Variants in CSNK2A2 observed in about 807,000 individuals in gnomAD.
CSNK2A2 encodes the protein casein kinase 2 alpha 2.
CSNK2A2 carries 8 observed loss-of-function variants against 54.0 expected under a neutral mutation model. That is an observed-to-expected ratio of 0.15 (90% CI 0.09 to 0.27). The LOEUF is 0.27. Among genes scored for constraint, CSNK2A2 ranks in the 10% least tolerant of loss-of-function variants. The pLI, the probability that CSNK2A2 is intolerant of heterozygous loss-of-function variation, is 1.00. For synonymous variants in CSNK2A2, 141 were observed against 153.9 expected (o/e 0.92, Z 0.62); for missense variants, 242 against 439.4 (o/e 0.55, Z 4.02).
At chr16:58,186,618 G>T in intron 3 of CSNK2A2, 137 bp downstream of exon 3, 1 of 583,948 alleles carries the variant, frequency 1.7e-6, no homozygotes, top group Non-Finnish European at 3.0e-6. Context: ...ATTTTTTTCT[G>T]GTTTTCAAAC....
chr16:58,165,218 G>C (rs1369019524), intron 10 of CSNK2A2, among the ~76,000 whole-genome samples: 1 of 152,076 alleles, frequency 6.6e-6, no homozygotes, highest in Non-Finnish European at 1.5e-5. Flanking sequence ...CTAATTACTA[G>C]TTTTCTGAGG....
rs532861468 is a variant in CSNK2A2 at position 58,160,716 on chromosome 16, T to C, written c.*18-2363A>G. On this transcript the variant is annotated intron_variant, in intron 11 of 11. Transcript: ENST00000262506. ...CCTCTAATTTATCCCCTCAAGAAGT[T>C]AATTTCCTCCTCAAGAGCTACCTTT... 5 of 152,366 alleles carry C rather than the reference T, an allele frequency of 3.3e-5. No individual in the cohort carries two copies. In the East Asian group the frequency reaches 9.6e-4, roughly 29 times the overall value. The allele number at this position is 152,366 out of a possible 1,614,324, so 9.4% of individuals were successfully genotyped here. A position where few individuals can be genotyped will look rare whatever the true frequency, so the allele number is the denominator to read the frequency against.
In CSNK2A2 at chr16:58,164,164, G is replaced by A. The variant is rs773880897; in HGVS notation, c.977-17C>T. 4 of 1,613,176 alleles carry A rather than the reference G, an allele frequency of 2.5e-6. No homozygotes were observed. The highest frequency in any genetic ancestry group is 2.2e-5 in the East Asian group (1 of 44,872). On this transcript the variant is annotated splice_polypyrimidine_tract_variant and intron_variant, in intron 10 of 11. Transcript: ENST00000262506. Reference sequence around the variant, plus strand: ...CCACAGGGTCTGCAAGAAAGCAGGAGGAAAGTCAGGCAATCAGGGTGGTGA... The same window carrying A: ...CCACAGGGTCTGCAAGAAAGCAGGAAGAAAGTCAGGCAATCAGGGTGGTGA...
In CSNK2A2 at chr16:58,197,525, C is replaced by G; in HGVS notation, c.104+108G>C. 3.6e-6 allele frequency: 2 copies of G among 561,196 alleles called. No individual in the cohort carries two copies. Among genetic ancestry groups the G allele is most frequent in the South Asian group, 2.2e-5 (1 of 45,498 alleles). The allele number at this position is 561,196 out of a possible 1,614,324, so 34.8% of individuals were successfully genotyped here. ...CGGGACCTCTGCCTCCCTGCGGGCC[C>G]GCGGAGGGGTCGGCGGGAGACACCA... is the stretch of plus-strand genomic sequence containing the variant. On this transcript the variant is annotated intron_variant, in intron 1 of 11. Transcript: ENST00000262506. This position sits in a 1 kb window ranked among gnomAD's most constrained non-coding sequence, Gnocchi z 4.0.
rs1054050287 is a variant in CSNK2A2 at position 58,198,073 on chromosome 16, C to T, written c.-337G>A. Among the ~76,000 whole-genome samples the T allele has an allele frequency of 4.2e-5, 6 of 144,160 alleles. No individual in the cohort carries two copies. Among genetic ancestry groups the T allele is most frequent in the African/African-American group, 1.5e-4 (6 of 40,078 alleles). 94.6% of individuals were successfully genotyped at this position (144,160 alleles called of 152,430 possible). A position where few individuals can be genotyped will look rare whatever the true frequency, so the allele number is the denominator to read the frequency against. ...CGGCAGCCACCGGCCGGGAAAGGGGCAGCGGCGGCGGCAGCGGAGAAGAAG... is the reference window on the plus strand; with the variant it reads ...CGGCAGCCACCGGCCGGGAAAGGGGTAGCGGCGGCGGCAGCGGAGAAGAAG... On this transcript the variant is annotated 5_prime_UTR_variant, in exon 1 of 12. Coordinates refer to ENST00000262506, the MANE Select transcript of CSNK2A2 (RefSeq NM_001896.4).
At chr16:58,191,991 C>G (rs1294187151) in intron 2 of CSNK2A2, among the ~76,000 whole-genome samples, 1 of 152,174 alleles carries the variant, frequency 6.6e-6, no homozygotes, top group Non-Finnish European at 1.5e-5. Context: ...AGGCAGACCA[C>G]TTCCTAGGCC....
chr16:58,164,826 T>C (rs1961517557), intron 10 of CSNK2A2, among the ~76,000 whole-genome samples: 3 of 152,178 alleles, frequency 2.0e-5, no homozygotes, highest in African/African-American at 7.2e-5. Context: ...AAGAATTTAG[T>C]TCATCTCCAG....
chr16:58,164,235 G>C lies in CSNK2A2; in HGVS notation c.977-88C>G, dbSNP rs2279803. On this transcript the variant is annotated intron_variant, in intron 10 of 11. Coordinates refer to ENST00000262506, the MANE Select transcript of CSNK2A2 (RefSeq NM_001896.4). ...CAAACCCACCCTTTCAACGGAAAGAGAGACAGACTGATGGGCAAGCCAGGG... is the reference window on the plus strand; with the variant it reads ...CAAACCCACCCTTTCAACGGAAAGACAGACAGACTGATGGGCAAGCCAGGG... 0.066 allele frequency: 79,928 copies of C among 1,212,984 alleles called. 3,545 individuals are homozygous for C. The highest frequency in any genetic ancestry group is 0.18 in the South Asian group (14,429 of 78,210). 75.1% of individuals were successfully genotyped at this position (1,212,984 alleles called of 1,614,324 possible). A position where few individuals can be genotyped will look rare whatever the true frequency, so the allele number is the denominator to read the frequency against.
At position 58,197,775 on chromosome 16, in the gene CSNK2A2, T is replaced by A; in HGVS notation, c.-39A>T. 1 of 694,382 alleles carries A rather than the reference T, an allele frequency of 1.4e-6. No homozygotes were observed. Among genetic ancestry groups the A allele is most frequent in the Non-Finnish European group, 1.8e-6 (1 of 563,710 alleles). 43.0% of individuals were successfully genotyped at this position (694,382 alleles called of 1,614,324 possible). ...GGGGGGCGGCGCGGGGCGCAGAGGGTGGCGGCGGCGGCGCGGCGGGGGACG... is the reference window on the plus strand; with the variant it reads ...GGGGGGCGGCGCGGGGCGCAGAGGGAGGCGGCGGCGGCGCGGCGGGGGACG... On this transcript the variant is annotated 5_prime_UTR_variant, in exon 1 of 12. Transcript: ENST00000262506. The surrounding 1 kb of genome is among the most constrained non-coding windows in gnomAD (Gnocchi z 4.0).
At chr16:58,179,851 G>A (rs560506444) in intron 4 of CSNK2A2, among the ~76,000 whole-genome samples, 7 of 152,146 alleles carry the variant, frequency 4.6e-5, no homozygotes, top group South Asian at 2.1e-4. Context: ...AGGCCAAGGC[G>A]GGTGGGTCAT....
At chr16:58,167,869 A>C in intron 6 of CSNK2A2, 74 bp from the exon 7 acceptor site, 2 of 1,067,248 alleles carry the variant, frequency 1.9e-6, no homozygotes, top group Non-Finnish European at 1.4e-6. Flanking sequence ...AGGCCACATC[A>C]CATTAGGTAA....
intron 11 of CSNK2A2, chr16:58,161,586 C>G (rs1961373192): frequency 7.7e-6 from 1 of 129,644 alleles, no homozygotes; most frequent in African/African-American, 3.6e-5. Flanking sequence ...CACACACACA[C>G]CCCTTTTGGA....
chr16:58,173,048 G>T lies in CSNK2A2; in HGVS notation c.429+1403C>A, dbSNP rs542425460. On this transcript the variant is annotated intron_variant, in intron 5 of 11. Coordinates refer to ENST00000262506, the MANE Select transcript of CSNK2A2 (RefSeq NM_001896.4). ...AACCAACTGTGAGATCTGAATTGTA[G>T]CTCTCATGGGGTGAGAGTGCATGGG... Among the ~76,000 whole-genome samples, 19 of 152,264 alleles carry T rather than the reference G, an allele frequency of 1.2e-4. No homozygotes were observed. In the South Asian group the frequency reaches 3.9e-3, roughly 32 times the overall value.
chr16:58,195,983 C>T (rs772160845), intron 2 of CSNK2A2, among the ~76,000 whole-genome samples: 2 of 152,214 alleles, frequency 1.3e-5, no homozygotes, highest in Admixed American at 6.5e-5. Flanking sequence ...AGTGATTATC[C>T]GCTAAGGAAT....
In CSNK2A2 at chr16:58,164,065, C is replaced by T; in HGVS notation, c.*6G>A. ...CAATGCCGCATTACCCGTCGCTTTC[C>T]AGTCTTCATCGTGCTGCCGTGAGAC... On this transcript the variant is annotated 3_prime_UTR_variant, in exon 11 of 12. Transcript: ENST00000262506. 1.9e-6 allele frequency: 3 copies of T among 1,612,392 alleles called. No individual in the cohort carries two copies. The highest frequency in any genetic ancestry group is 2.5e-6 in the Non-Finnish European group (3 of 1,178,872).
intron 5 of CSNK2A2, among the ~76,000 whole-genome samples, chr16:58,173,186 G>T (rs1961784544): frequency 6.6e-6 from 1 of 152,164 alleles, no homozygotes; most frequent in Non-Finnish European, 1.5e-5. Context: ...AAGACATGGA[G>T]AAACGTGGGA....
intron 2 of CSNK2A2, among the ~76,000 whole-genome samples, chr16:58,193,871 A>G (rs549930669): frequency 1.3e-5 from 2 of 152,298 alleles, no homozygotes; most frequent in East Asian, 3.9e-4. Flanking sequence ...TATTGATTGG[A>G]AAGTTTTAAG....
At chr16:58,174,239 G>A in intron 5 of CSNK2A2, 1 of 485,732 alleles carries the variant, frequency 2.1e-6, no homozygotes, top group Non-Finnish European at 3.6e-6. Flanking sequence ...TAATGTCCCT[G>A]GTACCCCTTG....
At chr16:58,174,367 G>A (rs1961821586) in intron 5 of CSNK2A2, 84 bp downstream of exon 5, 1 of 953,746 alleles carries the variant, frequency 1.0e-6, no homozygotes. Flanking sequence ...GAAACATTCT[G>A]CTTAAGTTCT....
Sources: gnomAD v4.1 joint callset for allele counts (sites outside exome capture counted in the v4.1 genomes callset) on GRCh38, gnomAD v4.1.1 for gene constraint, Gnocchi (gnomAD v3.1) non-coding constraint, MANE v1.5 for transcripts, NCBI Gene and HGNC (gene_info 2026-07-23, HGNC 2026-07-21) for gene names.